The following ELP4 variants were observed in gnomAD, a reference collection of about 807,000 sequenced individuals.
ELP4 encodes elongator complex protein 4.
A neutral mutation model predicts 48.9 loss-of-function variants in ELP4; 51 were observed. That is an observed-to-expected ratio of 1.04 (90% CI 0.83 to 1.32). The LOEUF (loss-of-function observed/expected upper bound fraction) is 1.32. Among genes scored for constraint, ELP4 ranks in the 40% most tolerant of loss-of-function variants. The pLI is 0.00. For missense variants in ELP4, 519 were observed against 514.6 expected (o/e 1.01, Z -0.08); for synonymous variants, 210 against 189.2 (o/e 1.11, Z -0.90).
chr11:31,523,545 G>A (rs1956249731), intron 2 of ELP4, among the ~76,000 whole-genome samples: 1 of 152,056 alleles, frequency 6.6e-6, no homozygotes, highest in African/African-American at 2.4e-5. Flanking sequence ...ATGGAAACTA[G>A]AGCTAATGAG....
At chr11:31,771,799 G>C (rs768915674) in intron 9 of ELP4, among the ~76,000 whole-genome samples, 31 of 152,170 alleles carry the variant, frequency 2.0e-4, no homozygotes, top group South Asian at 6.2e-4. Flanking sequence ...CTAACACAGT[G>C]AAACCCTGTA....
At chr11:31,550,374 T>C (rs1204141885) in intron 3 of ELP4, among the ~76,000 whole-genome samples, 1 of 152,120 alleles carries the variant, frequency 6.6e-6, no homozygotes, top group Non-Finnish European at 1.5e-5. Context: ...AAAGTATATA[T>C]GAAGGGACTT....
At chr11:31,669,531 C>T (rs1364680389) in intron 9 of ELP4, among the ~76,000 whole-genome samples, 1 of 152,136 alleles carries the variant, frequency 6.6e-6, no homozygotes, top group Non-Finnish European at 1.5e-5. Flanking sequence ...TCTGTGCTCC[C>T]AGAGTAACTC....
intron 9 of ELP4, among the ~76,000 whole-genome samples, chr11:31,681,454 C>G (rs1033758194): frequency 7.2e-5 from 11 of 152,058 alleles, no homozygotes; most frequent in African/African-American, 4.8e-5. Flanking sequence ...CACCATTTTT[C>G]CACCAGAAAA....
chr11:31,575,509 T>A (rs1402428302), intron 3 of ELP4, among the ~76,000 whole-genome samples: 1 of 151,870 alleles, frequency 6.6e-6, no homozygotes, highest in Non-Finnish European at 1.5e-5. Flanking sequence ...AAAGTTGAAA[T>A]GAAGGAAAAA....
chr11:31,589,975 T>C (rs546874306), intron 3 of ELP4, among the ~76,000 whole-genome samples: 22 of 152,294 alleles, frequency 1.4e-4, no homozygotes, highest in African/African-American at 4.3e-4. Flanking sequence ...TATAGCATGG[T>C]GGTTAAGAGC....
At chr11:31,510,199 G>A (rs1163139054) in intron 1 of ELP4, among the ~76,000 whole-genome samples, 192 bp downstream of exon 1, 1 of 152,188 alleles carries the variant, frequency 6.6e-6, no homozygotes, top group Non-Finnish European at 1.5e-5. Flanking sequence ...AACTAAACAT[G>A]TTTTAGTGCC....
intron 3 of ELP4, among the ~76,000 whole-genome samples, chr11:31,545,463 T>G (rs1378705861): frequency 6.6e-6 from 1 of 151,946 alleles, no homozygotes; most frequent in Non-Finnish European, 1.5e-5. Flanking sequence ...AAACAAAGCC[T>G]CCAAGAAATA....
At chr11:31,675,898 G>A (rs1269419344) in intron 9 of ELP4, among the ~76,000 whole-genome samples, 1 of 151,952 alleles carries the variant, frequency 6.6e-6, no homozygotes, top group African/African-American at 2.4e-5. Context: ...CTACCACTCA[G>A]TCTAAGCCTC....
At chr11:31,585,408 C>A in intron 3 of ELP4, among the ~76,000 whole-genome samples, 2 of 149,636 alleles carry the variant, frequency 1.3e-5, no homozygotes, top group African/African-American at 2.5e-5. Context: ...TGAAATCTCA[C>A]AAGAGAATAA....
At chr11:31,723,613 C>T (rs2902330) in intron 9 of ELP4, among the ~76,000 whole-genome samples, 45,772 of 151,916 alleles carry the variant, frequency 0.3, 7,514 homozygotes, top group African/African-American at 0.44. Context: ...CATGTATTAA[C>T]TCATTAATCC....
intron 9 of ELP4, chr11:31,654,510 G>A (rs944358452): frequency 6.6e-6 from 1 of 151,716 alleles, no homozygotes; most frequent in Non-Finnish European, 1.5e-5. Context: ...ATGTACTCAT[G>A]TAATAGATTT....
At chr11:31,620,993 C>T (rs1287055030) in intron 5 of ELP4, among the ~76,000 whole-genome samples, 1 of 151,788 alleles carries the variant, frequency 6.6e-6, no homozygotes, top group Non-Finnish European at 1.5e-5. Context: ...TAAATGACAG[C>T]CTTCAGGGTA....
rs1466983030 is a variant in ELP4 at position 31,572,808 on chromosome 11, A to G, written c.382-21962A>G. On this transcript the variant is annotated intron_variant, in intron 3 of 9. Transcript: ENST00000640961. ...TGAGGCCAGGAGTTAAGTGACCAGC[A>G]TGGGCAATATAGCAAGACACCATCT... Among the ~76,000 whole-genome samples the G allele has an allele frequency of 2.0e-5, 3 of 152,136 alleles. No homozygotes were observed. In the East Asian group the frequency reaches 5.8e-4, roughly 29 times the overall value.
intron 4 of ELP4, among the ~76,000 whole-genome samples, chr11:31,603,350 C>G (rs559267493): frequency 2.8e-4 from 43 of 151,706 alleles, no homozygotes; most frequent in African/African-American, 9.2e-4. Context: ...GGACCTCTTA[C>G]CAGTGAATTA....
intron 9 of ELP4, among the ~76,000 whole-genome samples, chr11:31,753,570 A>T (rs187113503): frequency 1.3e-5 from 2 of 152,354 alleles, no homozygotes; most frequent in Admixed American, 1.3e-4. Flanking sequence ...TCTCAGAAAA[A>T]GTTGGCAATA....
chr11:31,558,110 G>A (rs961819036), intron 3 of ELP4, among the ~76,000 whole-genome samples: 12 of 151,270 alleles, frequency 7.9e-5, no homozygotes, highest in African/African-American at 2.7e-4. Context: ...TAGTTGAGCC[G>A]GAAATTTGCT....
chr11:31,681,956 G>T, intron 9 of ELP4: 4 of 640,256 alleles, frequency 6.2e-6, no homozygotes, highest in Non-Finnish European at 9.4e-6. Context: ...GGCCAGGCTG[G>T]TCTCGAACTC....
chr11:31,561,369 T>A (rs1448782064), intron 3 of ELP4, among the ~76,000 whole-genome samples: 1 of 152,194 alleles, frequency 6.6e-6, no homozygotes, highest in African/African-American at 2.4e-5. Flanking sequence ...AGTTCATTCT[T>A]GTCTCTCTTT....
Sources: allele counts gnomAD v4.1 joint callset (sites outside exome capture counted in the v4.1 genomes callset), GRCh38; gene constraint gnomAD v4.1.1; transcripts MANE v1.5; gene names NCBI Gene and HGNC (gene_info 2026-07-23, HGNC 2026-07-21).